The following NLRP3 variants were observed in gnomAD, a reference collection of about 807,000 sequenced individuals.
NLRP3 encodes the protein NACHT, LRR and PYD domains-containing protein 3.
NLRP3 carries 48 observed loss-of-function variants against 91.3 expected under a neutral mutation model. The ratio of observed to expected loss-of-function variants is 0.53; its 90% CI spans 0.42 to 0.67. The LOEUF (loss-of-function observed/expected upper bound fraction) is 0.67, where lower values mean the gene tolerates loss of function less well. Among genes scored for constraint, NLRP3 ranks in the 30% least tolerant of loss-of-function variants. The pLI is 0.00. For missense variants in NLRP3, 982 were observed against 1,276.9 expected, an observed-to-expected ratio of 0.77 and a Z score of 3.52; for synonymous variants, 561 against 507.9, an observed-to-expected ratio of 1.10 and a Z score of -1.41.
At chr1:247,447,041 A>G (rs1397966750) in intron 9 of NLRP3, among the ~76,000 whole-genome samples, 1 of 152,240 alleles carries the variant, frequency 6.6e-6, no homozygotes, top group Non-Finnish European at 1.5e-5. Context: ...TTCTGGACCC[A>G]GGCTGAGGGA....
chr1:247,423,708 T>C (rs1662638800), intron 3 of NLRP3, 139 bp from the exon 4 acceptor site: 1 of 811,622 alleles, frequency 1.2e-6, no homozygotes, highest in South Asian at 1.5e-5. Context: ...TCGGCACCTT[T>C]CCTACCCAGT....
At chr1:247,431,990 C>T (rs1663367336) in intron 5 of NLRP3, among the ~76,000 whole-genome samples, 1 of 152,054 alleles carries the variant, frequency 6.6e-6, no homozygotes, top group East Asian at 1.9e-4. Flanking sequence ...CATCCACCTC[C>T]TGGGTTCAAG....
chr1:247,424,980 G>A lies in NLRP3; in HGVS notation c.1531G>A (p.Asp511Asn). 1.2e-6 allele frequency: 2 copies of A among 1,614,202 alleles called. No individual in the cohort carries two copies. The highest frequency in any genetic ancestry group is 1.7e-6 in the Non-Finnish European group (2 of 1,180,046). Residue 511 changes from aspartate to asparagine, a missense_variant, in exon 4 of 10, where the codon GAC becomes AAC. By Grantham distance (23) the Asp-to-Asn change is conservative. This residue lies in a region of NLRP3 where 548 missense variants were observed against 713.7 expected (regional missense o/e 0.77). Transcript: ENST00000336119. The surrounding 1 kb of genome is among the most constrained non-coding windows in gnomAD (Gnocchi z 8.1). ...LRMNLFQKEV[D>N]CEKFYSFIHM... ...GATGAACCTGTTCCAAAAGGAAGTGGACTGCGAGAAGTTCTACAGCTTCAT... is the reference window on the plus strand; with the variant it reads ...GATGAACCTGTTCCAAAAGGAAGTGAACTGCGAGAAGTTCTACAGCTTCAT...
rs570626419 is a variant in NLRP3 at position 247,437,036 on chromosome 1, C to CT, written c.2663+897dup. Among the ~76,000 whole-genome samples the CT allele has an allele frequency of 9.2e-5, 14 of 152,332 alleles. No individual in the cohort carries two copies. In the South Asian group the frequency reaches 2.9e-3, roughly 32 times the overall value. The stretch of plus-strand genomic sequence containing the variant: ...GACACTCAGAGAGAAGGTAGTGGAA[C>CT]TCAGTGTAGACAAACGTCTGTGACC... On this transcript the variant is annotated intron_variant, in intron 7 of 9. Transcript: ENST00000336119.
intron 4 of NLRP3, among the ~76,000 whole-genome samples, chr1:247,426,311 C>T (rs1662879069): frequency 6.6e-6 from 1 of 152,202 alleles, no homozygotes; most frequent in South Asian, 2.1e-4. Flanking sequence ...CGGGTCTGTT[C>T]ACACACTTGC....
intron 9 of NLRP3, among the ~76,000 whole-genome samples, 173 bp from the exon 10 acceptor site, chr1:247,448,232 G>T (rs1001795264): frequency 2.6e-5 from 4 of 151,200 alleles, no homozygotes; most frequent in Non-Finnish European, 5.9e-5. Context: ...GGCGACGGCG[G>T]CGAGGACGCG....
At position 247,447,894 on chromosome 1, in the gene NLRP3, A is replaced by C. The variant is rs139381227; in HGVS notation, c.3006-511A>C. Reference sequence around the variant, plus strand: ...TTGACATGACCTGTTTAATTGTCGAACTTGGGTAATGGACACAGGGGGTTC... The same window carrying C: ...TTGACATGACCTGTTTAATTGTCGACCTTGGGTAATGGACACAGGGGGTTC... On this transcript the variant is annotated intron_variant, in intron 9 of 9. Transcript: ENST00000336119. 1.6e-4 allele frequency among the ~76,000 whole-genome samples: 24 copies of C among 152,332 alleles called. No individual in the cohort carries two copies. In the East Asian group the frequency reaches 4.6e-3, roughly 29 times the overall value.
chr1:247,438,267 T>C (rs1663933627), intron 7 of NLRP3, among the ~76,000 whole-genome samples: 2 of 152,152 alleles, frequency 1.3e-5, no homozygotes, highest in Non-Finnish European at 2.9e-5. Flanking sequence ...TTCGCTCTTA[T>C]TTTTAGGTCA....
intron 7 of NLRP3, among the ~76,000 whole-genome samples, chr1:247,440,439 C>A (rs536957698): frequency 2.0e-4 from 30 of 152,120 alleles, no homozygotes; most frequent in Non-Finnish European, 3.5e-4. Flanking sequence ...TTTTAAGATG[C>A]AAATTTGAAA....
intron 7 of NLRP3, among the ~76,000 whole-genome samples, chr1:247,441,700 A>T (rs1446812727): frequency 1.3e-5 from 2 of 152,168 alleles, no homozygotes; most frequent in Non-Finnish European, 2.9e-5. Context: ...TAATCCAAGG[A>T]TTGGTTGGTG....
At chr1:247,416,632 G>T (rs1029527796) in intron 1 of NLRP3, among the ~76,000 whole-genome samples, 2 of 126,280 alleles carry the variant, frequency 1.6e-5, no homozygotes, top group African/African-American at 6.8e-5. Flanking sequence ...AGCTGGGAGG[G>T]TATGCGGAGC....
At chr1:247,444,945 G>A in intron 9 of NLRP3, 124 bp downstream of exon 9, 1 of 923,786 alleles carries the variant, frequency 1.1e-6, no homozygotes, top group Non-Finnish European at 1.7e-6. Context: ...TTGGGCCTGG[G>A]TCAGTTGTGG....
At chr1:247,446,855 T>C (rs1014569665) in intron 9 of NLRP3, among the ~76,000 whole-genome samples, 2 of 152,228 alleles carry the variant, frequency 1.3e-5, no homozygotes, top group African/African-American at 4.8e-5. Context: ...CAGGTTTGAA[T>C]AAATACAAGT....
intron 2 of NLRP3, 88 bp from the exon 3 acceptor site, chr1:247,423,142 C>T: frequency 6.3e-7 from 1 of 1,580,752 alleles, no homozygotes; most frequent in Non-Finnish European, 8.7e-7. Context: ...TTGGGGTCTC[C>T]TCTCTCATGC....
intron 9 of NLRP3, among the ~76,000 whole-genome samples, chr1:247,446,375 T>C (rs1230731151): frequency 6.6e-6 from 1 of 152,246 alleles, no homozygotes; most frequent in Admixed American, 6.5e-5. Context: ...AACATCGTCT[T>C]CTTATCACTT....
chr1:247,447,666 A>G (rs1664670464), intron 9 of NLRP3, among the ~76,000 whole-genome samples: 1 of 151,988 alleles, frequency 6.6e-6, no homozygotes, highest in Non-Finnish European at 1.5e-5. Flanking sequence ...TAAGGTAAAA[A>G]AATTTACAAG....
intron 5 of NLRP3, among the ~76,000 whole-genome samples, chr1:247,430,297 T>C (rs1663214350): frequency 6.6e-6 from 1 of 152,214 alleles, no homozygotes. Flanking sequence ...GGTTGGTTTC[T>C]TCTGAGGCCG....
intron 5 of NLRP3, among the ~76,000 whole-genome samples, chr1:247,433,853 G>A (rs76469815): frequency 1.4e-4 from 18 of 131,562 alleles, no homozygotes; most frequent in African/African-American, 4.0e-4. Flanking sequence ...CTCTTGTCAG[G>A]TGTGTCCTGA....
chr1:247,433,981 G>A, intron 5 of NLRP3, 122 bp from the exon 6 acceptor site: 1 of 816,764 alleles, frequency 1.2e-6, no homozygotes, highest in Non-Finnish European at 2.1e-6. Flanking sequence ...CTGATCAGAT[G>A]TGTTCTGATG....
Sources: gnomAD v4.1 joint callset for allele counts (sites outside exome capture counted in the v4.1 genomes callset) on GRCh38, gnomAD v4.1.1 for gene constraint, gnomAD v4.1.1 regional missense constraint, Gnocchi (gnomAD v3.1) non-coding constraint, MANE v1.5 for transcripts, NCBI Gene and HGNC (gene_info 2026-07-23, HGNC 2026-07-21) for gene names.